MEIOC: variants seen among roughly 807,000 people sequenced by gnomAD.
MEIOC encodes meiosis-specific coiled-coil domain-containing protein MEIOC.
A neutral mutation model predicts 85.3 loss-of-function variants in MEIOC; 9 were observed. The ratio of observed to expected loss-of-function variants is 0.11; its 90% CI spans 0.06 to 0.18. MEIOC has a LOEUF of 0.18. Ranked by LOEUF, MEIOC falls within the 10% of genes least tolerant of loss-of-function variation. The pLI is 1.00. For missense variants in MEIOC, 898 were observed against 1,129.4 expected (o/e 0.80, Z 2.94); for synonymous variants, 365 against 393.7 (o/e 0.93, Z 0.86).
Position 44,668,180 on chromosome 17 carries a change from C to A in MEIOC, c.2269C>A (p.Arg757Ser). The A allele has an allele frequency of 6.2e-7, 1 of 1,613,562 alleles. No individual in the cohort carries two copies. Among genetic ancestry groups the A allele is most frequent in the South Asian group, 1.1e-5 (1 of 91,036 alleles). ...TGGACCAGCCAGTGAACTTCATATT[C>A]GTCTAGAAGAGTGCTGTGAACAATG... ...RSGPASELHI[R>S]LEECCEQWRA... The change falls in exon 5 of 8, where the codon CGT (arginine) becomes AGT (serine). Residue 757 changes from arginine (R) to serine (S), a missense_variant. Transcript: ENST00000409122.
chr17:44,664,411 C>G (rs757140060), intron 3 of MEIOC, among the ~76,000 whole-genome samples: 1 of 152,026 alleles, frequency 6.6e-6, no homozygotes, highest in Non-Finnish European at 1.5e-5. Context: ...AATAGATGTA[C>G]AGGTTGAGCA....
At chr17:44,671,515 A>G (rs938054941) in intron 6 of MEIOC, among the ~76,000 whole-genome samples, 1 of 149,984 alleles carries the variant, frequency 6.7e-6, no homozygotes, top group African/African-American at 2.5e-5. Flanking sequence ...ATACCACTGC[A>G]TGCCAGCCTG....
downstream of MEIOC, chr17:44,676,308 A>T (rs144350273): frequency 5.9e-4 from 90 of 152,336 alleles, no homozygotes; most frequent in African/African-American, 2.0e-3. Context: ...ATTTGCAGTG[A>T]AACTGATAAA....
chr17:44,665,756 T>G (rs1971894699), intron 4 of MEIOC, among the ~76,000 whole-genome samples: 1 of 152,142 alleles, frequency 6.6e-6, no homozygotes, highest in Admixed American at 6.6e-5. Flanking sequence ...AACTAAAGAT[T>G]GGCTTAAATA....
Position 44,675,727 on chromosome 17 carries a change from A to G in MEIOC, c.*1531A>G. ...AAAGTGGTTAAGTTTAACATAAGAC[A>G]TGTTGGATGTTATAAAAACAAATAC... On this transcript the variant is annotated 3_prime_UTR_variant, in exon 8 of 8. Coordinates refer to ENST00000409122, the MANE Select transcript of MEIOC (RefSeq NM_001145080.3). 13 of 976,230 alleles carry G rather than the reference A, an allele frequency of 1.3e-5. No homozygotes were observed. Among genetic ancestry groups the G allele is most frequent in the Non-Finnish European group, 1.6e-5 (13 of 821,570 alleles). 60.5% of individuals were successfully genotyped at this position (976,230 alleles called of 1,614,324 possible). A position where few individuals can be genotyped will look rare whatever the true frequency, so the allele number is the denominator to read the frequency against.
intron 4 of MEIOC, among the ~76,000 whole-genome samples, chr17:44,666,012 T>TA (rs1419781538): frequency 2.6e-5 from 4 of 151,884 alleles, no homozygotes; most frequent in East Asian, 3.9e-4. Flanking sequence ...TTTTTTTCAT[T>TA]AAAAAAAACT....
In MEIOC at chr17:44,674,083, A is replaced by G; in HGVS notation, c.2746A>G (p.Thr916Ala). Residue 916 changes from threonine to alanine, a missense_variant, in exon 8 of 8, where the codon ACA becomes GCA. By Grantham distance (58) the Thr-to-Ala change is moderately conservative (BLOSUM62 0). Transcript: ENST00000409122. Reference sequence around the variant, plus strand: ...GATGACCTTGCCAAAAACAGCCAGTACAGCTGATGTGGTAAAGCCTTTACA... The same window carrying G: ...GATGACCTTGCCAAAAACAGCCAGTGCAGCTGATGTGGTAAAGCCTTTACA... ...LQMTLPKTAS[T>A]ADVVKPLQDT... is the part of the protein sequence containing the mutation. 6.4e-7 allele frequency: 1 copy of G among 1,551,594 alleles called. No homozygotes were observed. Among genetic ancestry groups the G allele is most frequent in the Non-Finnish European group, 8.7e-7 (1 of 1,146,860 alleles).
intron 5 of MEIOC, among the ~76,000 whole-genome samples, chr17:44,669,052 A>G (rs1971957506): frequency 6.6e-6 from 1 of 152,150 alleles, no homozygotes; most frequent in East Asian, 1.9e-4. Context: ...AAATACAAAA[A>G]ATTAGCCAGG....
chr17:44,667,871 A>G lies in MEIOC; in HGVS notation c.1960A>G (p.Asn654Asp), dbSNP rs765256069. 5.0e-6 allele frequency: 8 copies of G among 1,613,858 alleles called. No individual in the cohort carries two copies. In the African/African-American group the frequency reaches 1.1e-4, roughly 22 times the overall value. Residue 654 changes from asparagine (N) to aspartate (D), a missense_variant, in exon 5 of 8, where the codon AAT becomes GAT. Physicochemically the swap from Asn to Asp is conservative, Grantham distance 23. Around this residue, in one of 2 missense-constraint regions of MEIOC, gnomAD observed 734 missense variants for 860.1 expected, o/e 0.85. Coordinates refer to ENST00000409122, the MANE Select transcript of MEIOC (RefSeq NM_001145080.3). The stretch of plus-strand genomic sequence containing the variant: ...TAGCCACAGAACGAGAGGTGGAGAC[A>G]ATAGCCGTGTGAATCGCACACAAGT... ...SNSHRTRGGDNSRVNRTQVSC... is the reference protein window; with the variant it reads ...SNSHRTRGGDDSRVNRTQVSC...
Position 44,675,176 on chromosome 17 carries a change from ATT to A in MEIOC, c.*985_*986del. 1 of 984,558 alleles carries A rather than the reference ATT, an allele frequency of 1.0e-6. No individual in the cohort carries two copies. The highest frequency in any genetic ancestry group is 1.2e-6 in the Non-Finnish European group (1 of 829,630). 61.0% of individuals were successfully genotyped at this position (984,558 alleles called of 1,614,324 possible). A position where few individuals can be genotyped will look rare whatever the true frequency, so the allele number is the denominator to read the frequency against. ...AGTTTGCTTCTAAGTTCTAAAATGT[ATT>A]TTTTAAAGGTTAATCTCTAACTAGT... On this transcript the variant is annotated 3_prime_UTR_variant, in exon 8 of 8. Transcript: ENST00000409122.
Position 44,656,608 on chromosome 17 carries a change from C to T in MEIOC, c.-6C>T. 1.4e-6 allele frequency: 2 copies of T among 1,471,556 alleles called. No homozygotes were observed. The highest frequency in any genetic ancestry group is 1.8e-6 in the Non-Finnish European group (2 of 1,109,022). The allele number at this position is 1,471,556 out of a possible 1,614,324, so 91.2% of individuals were successfully genotyped here. A position where few individuals can be genotyped will look rare whatever the true frequency, so the allele number is the denominator to read the frequency against. On this transcript the variant is annotated 5_prime_UTR_variant, in exon 1 of 8. Transcript: ENST00000409122. ...GCCTAGTCCAGGAGAGGCTGGGGGGCGCCCCATGGAGGTGAGACGCGGAGA... is the reference window on the plus strand; with the variant it reads ...GCCTAGTCCAGGAGAGGCTGGGGGGTGCCCCATGGAGGTGAGACGCGGAGA...
In MEIOC at chr17:44,666,861, A is replaced by G. The variant is rs375801426; in HGVS notation, c.950A>G (p.Asn317Ser). ...KRAEMFLSQF[N>S]RYNENVDYCR... ...GCAGAGATGTTTCTTTCTCAATTTA[A>G]TAGATACAATGAAAATGTAGATTAT... The change falls in exon 5 of 8, where the codon AAT (asparagine) becomes AGT (serine). Residue 317 changes from asparagine to serine, a missense_variant. Physicochemically the swap from Asn to Ser is conservative, Grantham distance 46 (BLOSUM62 1). Transcript: ENST00000409122. 1.2e-6 allele frequency: 2 copies of G among 1,610,762 alleles called. No homozygotes were observed. The highest frequency in any genetic ancestry group is 1.7e-6 in the Non-Finnish European group (2 of 1,178,136).
chr17:44,660,736 TGTTA>T (rs1423083848), intron 2 of MEIOC, among the ~76,000 whole-genome samples: 1 of 151,964 alleles, frequency 6.6e-6, no homozygotes, highest in Non-Finnish European at 1.5e-5. Flanking sequence ...TTTTTTTGTT[TGTTA>T]AATTCACTTT....
At chr17:44,657,754 T>C (rs1042694802) in intron 2 of MEIOC, among the ~76,000 whole-genome samples, 12 of 152,038 alleles carry the variant, frequency 7.9e-5, no homozygotes, top group Admixed American at 1.3e-4. Context: ...GGTTTCTCCA[T>C]GTTGGTCAGG....
rs188648451 is a variant in MEIOC at position 44,673,522 on chromosome 17, G to A, written c.2614G>A (p.Val872Ile). 7 of 1,547,942 alleles carry A rather than the reference G, an allele frequency of 4.5e-6. 1 individual carries two copies. The East Asian group carries it at 1.7e-4, about 38-fold the overall frequency. ...VNASNRQRQG[V>I]PRCQDDRDVF... ...TGCTTCCAATCGGCAAAGGCAAGGA[G>A]TTCCTAGATGCCAAGATGACAGAGG... Residue 872 changes from valine (V) to isoleucine (I), a missense_variant, in exon 7 of 8, where the codon GTT becomes ATT. Physicochemically the swap from Val to Ile is conservative, Grantham distance 29 (BLOSUM62 3). Transcript: ENST00000409122.
chr17:44,663,680 A>G (rs1971870093), intron 3 of MEIOC, among the ~76,000 whole-genome samples: 1 of 152,148 alleles, frequency 6.6e-6, no homozygotes, highest in Admixed American at 6.6e-5. Context: ...TCCCCCCGCC[A>G]CCCAATAACA....
Position 44,657,217 on chromosome 17 carries a change from A to G in MEIOC, c.160A>G (p.Met54Val), listed in dbSNP as rs968161233. 32 of 1,551,908 alleles carry G rather than the reference A, an allele frequency of 2.1e-5. No individual in the cohort carries two copies. The African/African-American group carries it at 4.0e-4, about 19-fold the overall frequency. ...SRLTDVFGSVMLTGSASFYDC... is the reference protein window; with the variant it reads ...SRLTDVFGSVVLTGSASFYDC... ...GTTAACCGACGTCTTCGGCAGCGTG[A>G]TGTTGACTGGCTCCGCTTCCTTCTA... The change falls in exon 2 of 8, where the codon ATG (methionine) becomes GTG (valine). Residue 54 changes from methionine to valine, a missense_variant. By Grantham distance (21) the Met-to-Val change is conservative. Transcript: ENST00000409122.
chr17:44,658,565 C>T (rs989157286), intron 2 of MEIOC, among the ~76,000 whole-genome samples: 20 of 151,482 alleles, frequency 1.3e-4, no homozygotes, highest in African/African-American at 4.8e-4. Flanking sequence ...GGGGCTGAGG[C>T]GGGTGGATCA....
At chr17:44,672,179 A>T (rs1462742291) in intron 6 of MEIOC, among the ~76,000 whole-genome samples, 3 of 151,956 alleles carry the variant, frequency 2.0e-5, no homozygotes, top group Admixed American at 6.6e-5. Context: ...ACAGGGTTTC[A>T]CCATGTTGGT....
Sources: allele counts gnomAD v4.1 joint callset (sites outside exome capture counted in the v4.1 genomes callset), GRCh38; gene constraint gnomAD v4.1.1; regional missense constraint gnomAD v4.1.1; transcripts MANE v1.5; gene names NCBI Gene and HGNC (gene_info 2026-07-23, HGNC 2026-07-21).